RNF157: variants seen among roughly 807,000 people sequenced by gnomAD.
The protein encoded by RNF157 is ring finger protein 157, also known as E3 ubiquitin ligase RNF157.
Under a neutral mutation model 88.3 loss-of-function variants are expected in RNF157, and 55 were observed. The observed-to-expected ratio is 0.62, with a 90% confidence interval of 0.50 to 0.78. RNF157 has a LOEUF of 0.78. RNF157 is among the 30% of genes least tolerant of loss of function. The probability of loss-of-function intolerance (pLI) is 0.00; values close to 1 mark genes in which losing one functional copy is unlikely to be tolerated. For synonymous variants in RNF157, 334 were observed against 341.2 expected (o/e 0.98, Z 0.23); for missense variants, 788 against 860.8 (o/e 0.92, Z 1.06).
chr17:76,191,383 C>T (rs976015393), intron 2 of RNF157, among the ~76,000 whole-genome samples: 13 of 151,796 alleles, frequency 8.6e-5, no homozygotes, highest in Non-Finnish European at 1.9e-4. Flanking sequence ...GAGGCTGAGG[C>T]GGGAGGATCA....
At chr17:76,198,104 T>C (rs1425285463) in intron 2 of RNF157, among the ~76,000 whole-genome samples, 1 of 152,216 alleles carries the variant, frequency 6.6e-6, no homozygotes, top group Non-Finnish European at 1.5e-5. Flanking sequence ...AGGGCCATTA[T>C]CTGAGTATTA....
At chr17:76,211,161 A>G (rs2069792719) in intron 2 of RNF157, among the ~76,000 whole-genome samples, 1 of 152,180 alleles carries the variant, frequency 6.6e-6, no homozygotes, top group South Asian at 2.1e-4. Context: ...AGAACAAACC[A>G]TGCTCATTTC....
chr17:76,210,409 T>C (rs1303082433), intron 2 of RNF157, among the ~76,000 whole-genome samples: 3 of 150,980 alleles, frequency 2.0e-5, no homozygotes, highest in Non-Finnish European at 4.4e-5. Flanking sequence ...GCTAACACAG[T>C]GAAACCCCGT....
At position 76,167,124 on chromosome 17, in the gene RNF157, T is replaced by C; in HGVS notation, c.446A>G (p.Tyr149Cys). The C allele has an allele frequency of 6.2e-7, 1 of 1,610,726 alleles. No individual in the cohort carries two copies. Among genetic ancestry groups the C allele is most frequent in the South Asian group, 1.1e-5 (1 of 90,704 alleles). Residue 149 changes from tyrosine to cysteine, a missense_variant and splice_region_variant, in exon 5 of 19, where the codon TAC becomes TGC. Coordinates refer to ENST00000269391, the MANE Select transcript of RNF157 (RefSeq NM_052916.3). Reference protein sequence around the residue: ...TEEFQNGIASYIPKDNSLQSE... With the variant: ...TEEFQNGIASCIPKDNSLQSE... ...CTGGAGGCTGTTGTCTTTGGGAATGTAGCTATTGATACAAGTGGGAGGCAA... is the reference window on the plus strand; with the variant it reads ...CTGGAGGCTGTTGTCTTTGGGAATGCAGCTATTGATACAAGTGGGAGGCAA...
intron 2 of RNF157, among the ~76,000 whole-genome samples, chr17:76,207,986 G>GC (rs2069710856): frequency 6.6e-6 from 1 of 151,928 alleles, no homozygotes; most frequent in Non-Finnish European, 1.5e-5. Flanking sequence ...AGTGATCATA[G>GC]CTCACTGAAG....
rs1424843936 is a variant in RNF157, at chr17:76,210,348, C to CT, written c.207+2015dup. On this transcript the variant is annotated intron_variant, in intron 2 of 18. Coordinates refer to ENST00000269391, the MANE Select transcript of RNF157 (RefSeq NM_052916.3). The stretch of plus-strand genomic sequence containing the variant: ...GTGGCTCATGCCTGTAATCCCAGCA[C>CT]TTTGGGAGGCCAAGGTGGGCGGATC... 3.9e-5 allele frequency among the ~76,000 whole-genome samples: 6 copies of CT among 151,998 alleles called. No homozygotes were observed. In the South Asian group the frequency reaches 1.2e-3, roughly 32 times the overall value.
At chr17:76,172,867 T>C (rs1289413982) in intron 3 of RNF157, among the ~76,000 whole-genome samples, 1 of 151,906 alleles carries the variant, frequency 6.6e-6, no homozygotes, top group African/African-American at 2.4e-5. Flanking sequence ...GACTAAAAAT[T>C]ACACTGTCTC....
intron 2 of RNF157, among the ~76,000 whole-genome samples, chr17:76,193,731 C>T (rs531663531): frequency 1.2e-4 from 18 of 152,282 alleles, no homozygotes; most frequent in Admixed American, 3.3e-4. Context: ...AAGCCTGATC[C>T]GAAACAATCA....
At position 76,232,458 on chromosome 17, in the gene RNF157, C is replaced by T. The variant is rs1420635550; in HGVS notation, c.88+7695G>A. Reference sequence around the variant, plus strand: ...GCAGTGTTTCATTATATGACTGTACCATGAAATAAACAATGGATTTTGTTT... The same window carrying T: ...GCAGTGTTTCATTATATGACTGTACTATGAAATAAACAATGGATTTTGTTT... On this transcript the variant is annotated intron_variant, in intron 1 of 18. Coordinates refer to ENST00000269391, the MANE Select transcript of RNF157 (RefSeq NM_052916.3). 2.0e-5 allele frequency among the ~76,000 whole-genome samples: 3 copies of T among 151,988 alleles called. No individual in the cohort carries two copies. In the East Asian group the frequency reaches 5.8e-4, roughly 29 times the overall value.
intron 2 of RNF157, among the ~76,000 whole-genome samples, chr17:76,183,240 C>A (rs766700791): frequency 3.3e-5 from 5 of 149,452 alleles, no homozygotes; most frequent in Non-Finnish European, 6.0e-5. Context: ...CCCGGCCTCA[C>A]GTGGGAATAT....
intron 2 of RNF157, among the ~76,000 whole-genome samples, chr17:76,199,020 A>G (rs8068421): frequency 0.046 from 7,077 of 152,236 alleles, 560 homozygotes; most frequent in African/African-American, 0.16. Flanking sequence ...ACTGCATTTC[A>G]TCGGTATTTC....
chr17:76,152,437 C>T lies in RNF157; in HGVS notation c.1839G>A (p.Met613Ile). ...CAAAGTCATTGTTATTGTCACACTC[C>T]ATACCTAGAAATGCGCACGTCCTCT... is the stretch of plus-strand genomic sequence containing the variant. ...EGQRTCAFLG[M>I]ECDNNNDFDI... Residue 613 changes from methionine to isoleucine, a missense_variant, in exon 18 of 19, where the codon ATG (methionine) becomes ATA (isoleucine). Coordinates refer to ENST00000269391, the MANE Select transcript of RNF157 (RefSeq NM_052916.3). The T allele has an allele frequency of 6.2e-7, 1 of 1,613,614 alleles. No homozygotes were observed. Among genetic ancestry groups the T allele is most frequent in the Non-Finnish European group, 8.5e-7 (1 of 1,179,524 alleles).
intron 7 of RNF157, 94 bp from the exon 8 acceptor site, chr17:76,164,889 C>T: frequency 1.2e-6 from 1 of 801,094 alleles, no homozygotes; most frequent in Non-Finnish European, 2.1e-6. Flanking sequence ...GTCGCCCTCC[C>T]TGATCTGCAG....
intron 2 of RNF157, among the ~76,000 whole-genome samples, chr17:76,205,089 C>T (rs759546466): frequency 2.0e-5 from 3 of 151,284 alleles, no homozygotes; most frequent in Non-Finnish European, 4.4e-5. Context: ...GCCCAGTCTC[C>T]TTCCTTCCTC....
At chr17:76,217,802 C>T (rs971692591) in intron 1 of RNF157, among the ~76,000 whole-genome samples, 1 of 152,196 alleles carries the variant, frequency 6.6e-6, no homozygotes, top group African/African-American at 2.4e-5. Context: ...TCGAGTGTTT[C>T]ATTATTAGTG....
chr17:76,213,679 G>C (rs2069841542), intron 1 of RNF157, among the ~76,000 whole-genome samples: 1 of 151,980 alleles, frequency 6.6e-6, no homozygotes, highest in Non-Finnish European at 1.5e-5. Context: ...GTAGCCTCAG[G>C]ATGGCGGCTG....
At position 76,164,761 on chromosome 17, in the gene RNF157, T is replaced by C; in HGVS notation, c.707A>G (p.Lys236Arg). The part of the protein sequence containing the change: ...TDGTFCVKPL[K>R]QKQVVDGVSY... ...TCAAATACTTACTACTTGTTTCTGT[T>C]TGAGGGGCTTGACACAGAAAGTTCC... Residue 236 changes from lysine (K) to arginine (R), a missense_variant, in exon 8 of 19, where the codon AAA becomes AGA. Lys to Arg is a conservative substitution (Grantham distance 26, BLOSUM62 2). Coordinates refer to ENST00000269391, the MANE Select transcript of RNF157 (RefSeq NM_052916.3). 6.2e-7 allele frequency: 1 copy of C among 1,609,996 alleles called. No individual in the cohort carries two copies. Among genetic ancestry groups the C allele is most frequent in the East Asian group, 2.2e-5 (1 of 44,840 alleles).
chr17:76,182,915 G>A (rs1036447060), intron 2 of RNF157, among the ~76,000 whole-genome samples: 20 of 149,594 alleles, frequency 1.3e-4, no homozygotes, highest in African/African-American at 4.7e-4. Context: ...TCAATTCTCA[G>A]GTAAAGAAAG....
intron 18 of RNF157, among the ~76,000 whole-genome samples, chr17:76,150,828 G>A (rs1598383726): frequency 6.6e-6 from 1 of 152,364 alleles, no homozygotes; most frequent in Non-Finnish European, 1.5e-5. Flanking sequence ...CCCCACGCGA[G>A]CGCCTCCCAG....
Sources: allele counts gnomAD v4.1 joint callset (sites outside exome capture counted in the v4.1 genomes callset), GRCh38; gene constraint gnomAD v4.1.1; transcripts MANE v1.5; gene names NCBI Gene and HGNC (gene_info 2026-07-23, HGNC 2026-07-21).